The following AR variants were observed in gnomAD, a reference collection of about 807,000 sequenced individuals.
AR encodes androgen receptor.
AR carries 8 observed loss-of-function variants against 53.9 expected under a neutral mutation model. The ratio of observed to expected loss-of-function variants is 0.15; its 90% CI spans 0.09 to 0.27. The LOEUF (loss-of-function observed/expected upper bound fraction) is 0.27. Ranked by LOEUF, AR falls within the 10% of genes least tolerant of loss-of-function variation. AR has a pLI of 1.00. For synonymous variants in AR, 359 were observed against 316.4 expected (o/e 1.13, Z -1.43); for missense variants, 639 against 742.5 (o/e 0.86, Z 1.62).
chrX:67,661,395 A>C (rs1322173427), intron 2 of AR, among the ~76,000 whole-genome samples: 4 of 111,097 alleles, frequency 3.6e-5, no homozygotes, highest in South Asian at 3.8e-4. Flanking sequence ...CCCATCAATA[A>C]CTAATTTATT....
chrX:67,689,770 C>T, intron 3 of AR: 1 of 817,443 alleles, frequency 1.2e-6, no homozygotes, highest in East Asian at 1.0e-4. Flanking sequence ...AAAACACTTA[C>T]AAAAAAAGTC....
At chrX:67,557,706 A>G (rs776421746) in intron 1 of AR, among the ~76,000 whole-genome samples, 1 of 111,170 alleles carries the variant, frequency 9.0e-6, no homozygotes, top group Non-Finnish European at 1.9e-5. Flanking sequence ...GAATCAGTAG[A>G]TTTTCTTTTT....
At chrX:67,560,787 G>C (rs1037408796) in intron 1 of AR, among the ~76,000 whole-genome samples, 5 of 111,009 alleles carry the variant, frequency 4.5e-5, no homozygotes, top group South Asian at 3.8e-4. Context: ...GACCTTGAAG[G>C]CTATCCCAAT....
chrX:67,667,832 A>T (rs1041254270), intron 2 of AR, among the ~76,000 whole-genome samples: 1 of 110,827 alleles, frequency 9.0e-6, no homozygotes, highest in Non-Finnish European at 1.9e-5. Context: ...CCTATTGACA[A>T]TGGGATTGCT....
intron 2 of AR, among the ~76,000 whole-genome samples, chrX:67,648,177 A>C (rs1003720526): frequency 3.6e-5 from 4 of 111,468 alleles, no homozygotes; most frequent in African/African-American, 9.8e-5. Context: ...TCCTGAGCTT[A>C]TTTACTAAAC....
At chrX:67,594,295 A>G (rs976277480) in intron 1 of AR, among the ~76,000 whole-genome samples, 9 of 112,227 alleles carry the variant, frequency 8.0e-5, no homozygotes, top group African/African-American at 2.9e-4. Flanking sequence ...CACTCACCCT[A>G]TTTTAGAGCT....
intron 1 of AR, among the ~76,000 whole-genome samples, chrX:67,642,047 A>G (rs1306321731): frequency 9.0e-6 from 1 of 111,301 alleles, no homozygotes; most frequent in Non-Finnish European, 1.9e-5. Flanking sequence ...GGATATTAAA[A>G]TGAGAAAATA....
At chrX:67,683,902 G>T (rs12011839) in intron 2 of AR, among the ~76,000 whole-genome samples, 79 of 110,101 alleles carry the variant, frequency 7.2e-4, no homozygotes, top group African/African-American at 2.3e-3. Flanking sequence ...ATGCTTTTCC[G>T]CTATAACCTC....
chrX:67,710,522 A>G (rs2076089705), intron 3 of AR, among the ~76,000 whole-genome samples: 1 of 109,701 alleles, frequency 9.1e-6, no homozygotes, highest in South Asian at 4.1e-4. Flanking sequence ...GAGATGGTGT[A>G]TTGTCTTGTG....
Position 67,725,533 on chromosome X carries a change from C to T in AR, c.*1692C>T. 5.7e-6 allele frequency: 1 copy of T among 175,932 alleles called. No individual in the cohort carries two copies. The allele number at this position is 175,932 out of a possible 1,213,427, so 14.5% of individuals were successfully genotyped here. On this transcript the variant is annotated 3_prime_UTR_variant, in exon 8 of 8. Transcript: ENST00000374690. ...ATGCTCTTCTTGTCACCCAGCATAT[C>T]CACCTGCAGAAGTCATGAGAAGAGA...
intron 1 of AR, among the ~76,000 whole-genome samples, chrX:67,614,231 A>G (rs1924006646): frequency 9.0e-6 from 1 of 111,641 alleles, no homozygotes; most frequent in Non-Finnish European, 1.9e-5. Flanking sequence ...GGAAACCCAG[A>G]GTCAAGAAAA....
chrX:67,670,055 G>A (rs1178543664), intron 2 of AR, among the ~76,000 whole-genome samples: 1 of 89,190 alleles, frequency 1.1e-5, no homozygotes, highest in African/African-American at 4.1e-5. Context: ...TAGTTTTGGG[G>A]GCACAAGTGG....
intron 1 of AR, among the ~76,000 whole-genome samples, chrX:67,586,983 C>G (rs1202316273): frequency 1.8e-5 from 2 of 112,492 alleles, no homozygotes; most frequent in African/African-American, 6.5e-5. Context: ...CTGCACATTT[C>G]TATAGCTCTG....
At chrX:67,715,307 C>CA (rs1444769675) in intron 4 of AR, among the ~76,000 whole-genome samples, 23 of 102,617 alleles carry the variant, frequency 2.2e-4, no homozygotes, top group African/African-American at 9.0e-4. Flanking sequence ...CAGAAGGGTT[C>CA]CAAGCAGGAA....
intron 1 of AR, among the ~76,000 whole-genome samples, chrX:67,621,027 G>T (rs1017159754): frequency 8.9e-6 from 1 of 111,959 alleles, no homozygotes; most frequent in African/African-American, 3.2e-5. Flanking sequence ...AACTGATGAT[G>T]GTTGTTATAT....
At chrX:67,625,864 A>G (rs1924603277) in intron 1 of AR, among the ~76,000 whole-genome samples, 1 of 111,369 alleles carries the variant, frequency 9.0e-6, no homozygotes, top group African/African-American at 3.3e-5. Context: ...TTTTTTGGCT[A>G]TAACACCAAA....
At chrX:67,631,772 A>T (rs1467141904) in intron 1 of AR, among the ~76,000 whole-genome samples, 2 of 111,791 alleles carry the variant, frequency 1.8e-5, no homozygotes, top group African/African-American at 3.3e-5. Context: ...TTGTGGTTTT[A>T]TCTACTTTTG....
intron 1 of AR, among the ~76,000 whole-genome samples, chrX:67,601,386 G>A (rs1315793791): frequency 9.0e-6 from 1 of 111,657 alleles, no homozygotes; most frequent in East Asian, 2.8e-4. Context: ...TAAGTTGCTT[G>A]ATAGTAAATG....
intron 2 of AR, among the ~76,000 whole-genome samples, chrX:67,673,871 A>G (rs772728218): frequency 2.7e-5 from 3 of 111,097 alleles, no homozygotes; most frequent in Non-Finnish European, 5.7e-5. Context: ...GTGTCTGAGC[A>G]TTGAAAAGTT....
Sources: gnomAD v4.1 joint callset for allele counts (sites outside exome capture counted in the v4.1 genomes callset) on GRCh38, gnomAD v4.1.1 for gene constraint, MANE v1.5 for transcripts, NCBI Gene and HGNC (gene_info 2026-07-23, HGNC 2026-07-21) for gene names.